Variants in PDE6D observed in about 807,000 individuals in gnomAD.
The protein encoded by PDE6D is phosphodiesterase 6D.
Under a neutral mutation model 21.9 loss-of-function variants are expected in PDE6D, and 10 were observed. The observed-to-expected ratio is 0.46, with a 90% CI of 0.28 to 0.78. PDE6D has a LOEUF of 0.78. Among genes scored for constraint, PDE6D ranks in the 30% least tolerant of loss-of-function variants. PDE6D has a pLI of 0.12. For synonymous variants in PDE6D, 59 were observed against 63.5 expected, an observed-to-expected ratio of 0.93 and a Z score of 0.34; for missense variants, 139 against 184.8, an observed-to-expected ratio of 0.75 and a Z score of 1.44.
chr2:231,767,867 C>CTTTTTT (rs2048984713), intron 1 of PDE6D, among the ~76,000 whole-genome samples: 1 of 130,170 alleles, frequency 7.7e-6, no homozygotes, highest in Non-Finnish European at 1.6e-5. Context: ...CAGACAAGTT[C>CTTTTTT]TTGCTCTGTG....
At chr2:231,759,082 C>T (rs976438838) in intron 1 of PDE6D, among the ~76,000 whole-genome samples, 5 of 152,058 alleles carry the variant, frequency 3.3e-5, no homozygotes, top group African/African-American at 1.2e-4. Context: ...CTTTGGGAGG[C>T]TGAGGCAGGA....
intron 1 of PDE6D, among the ~76,000 whole-genome samples, chr2:231,752,409 C>A (rs1169925879): frequency 5.3e-5 from 8 of 152,076 alleles, no homozygotes; most frequent in Non-Finnish European, 1.2e-4. Flanking sequence ...GAAATGCCTA[C>A]AAAAATGGTT....
chr2:231,774,247 G>T (rs1479425288), intron 1 of PDE6D, among the ~76,000 whole-genome samples: 1 of 152,002 alleles, frequency 6.6e-6, no homozygotes, highest in Non-Finnish European at 1.5e-5. Context: ...ATTATTATTA[G>T]TAATTATTAA....
chr2:231,744,247 C>G (rs1047926595), intron 1 of PDE6D, among the ~76,000 whole-genome samples: 2 of 152,164 alleles, frequency 1.3e-5, no homozygotes, highest in Non-Finnish European at 2.9e-5. Flanking sequence ...ACTTACTCTT[C>G]AATCTATGTA....
intron 1 of PDE6D, among the ~76,000 whole-genome samples, chr2:231,751,570 T>C (rs1363002724): frequency 6.6e-6 from 1 of 152,258 alleles, no homozygotes; most frequent in African/African-American, 2.4e-5. Flanking sequence ...TTGATGTTAT[T>C]GCTCCTCTTG....
chr2:231,736,765 T>G (rs999561862), intron 4 of PDE6D, among the ~76,000 whole-genome samples: 7 of 152,196 alleles, frequency 4.6e-5, no homozygotes, highest in Admixed American at 2.6e-4. Context: ...TGGGAGCAAA[T>G]TAACATAGAT....
At chr2:231,761,927 A>G (rs1240546243) in intron 1 of PDE6D, among the ~76,000 whole-genome samples, 2 of 152,154 alleles carry the variant, frequency 1.3e-5, no homozygotes, top group African/African-American at 4.8e-5. Flanking sequence ...GGCTCCAGGG[A>G]ACTGCAGGGT....
chr2:231,758,596 T>C (rs373102511), intron 1 of PDE6D, among the ~76,000 whole-genome samples: 12 of 152,300 alleles, frequency 7.9e-5, no homozygotes, highest in African/African-American at 2.6e-4. Context: ...TTAGAATCTC[T>C]GGAGGTGGAA....
At chr2:231,750,481 C>CATTTT (rs1553557786) in intron 1 of PDE6D, among the ~76,000 whole-genome samples, 2 of 133,558 alleles carry the variant, frequency 1.5e-5, no homozygotes, top group South Asian at 2.4e-4. Context: ...ATCCATATCA[C>CATTTT]TTTTTTTTTT....
intron 1 of PDE6D, among the ~76,000 whole-genome samples, chr2:231,766,410 T>G (rs549893336): frequency 6.6e-6 from 1 of 152,218 alleles, no homozygotes; most frequent in Non-Finnish European, 1.5e-5. Flanking sequence ...TGCCTGGAAC[T>G]GGTCAGAAAC....
In PDE6D at chr2:231,737,084, C is replaced by T; in HGVS notation, c.371+103G>A. On this transcript the variant is annotated intron_variant, in intron 4 of 4. Coordinates refer to ENST00000287600, the MANE Select transcript of PDE6D (RefSeq NM_002601.4). The stretch of plus-strand genomic sequence containing the variant: ...CCTTGGATACTCTTTTACTCTATTT[C>T]TCAACCGAGCTCTCTGCCCACTGAA... 2.1e-5 allele frequency: 13 copies of T among 620,916 alleles called. No individual in the cohort carries two copies. In the South Asian group the frequency reaches 2.7e-4, roughly 13 times the overall value. The allele number at this position is 620,916 out of a possible 1,614,324, so 38.5% of individuals were successfully genotyped here.
At chr2:231,774,202 G>A (rs62198565) in intron 1 of PDE6D, among the ~76,000 whole-genome samples, 26,931 of 151,926 alleles carry the variant, frequency 0.18, 2,770 homozygotes, top group Non-Finnish European at 0.23. Flanking sequence ...CAAAGAGCTG[G>A]GATTACAGGC....
intron 1 of PDE6D, among the ~76,000 whole-genome samples, chr2:231,777,789 T>C (rs1230997238): frequency 6.6e-6 from 1 of 152,214 alleles, no homozygotes; most frequent in Admixed American, 6.5e-5. Context: ...GTACTGGAAC[T>C]ATTGGCTATC....
chr2:231,740,053 A>C (rs1385094179), intron 1 of PDE6D, among the ~76,000 whole-genome samples: 1 of 152,206 alleles, frequency 6.6e-6, no homozygotes, highest in African/African-American at 2.4e-5. Flanking sequence ...GGAGCATTAA[A>C]AAAGAGAGAT....
At chr2:231,778,952 CAG>C (rs754075472) in intron 1 of PDE6D, 6 of 152,182 alleles carry the variant, frequency 3.9e-5, no homozygotes, top group Non-Finnish European at 5.9e-5. Flanking sequence ...CTTACAGAAA[CAG>C]ATACTCTGAA....
chr2:231,755,688 A>C (rs1478122840), intron 1 of PDE6D, among the ~76,000 whole-genome samples: 2 of 152,236 alleles, frequency 1.3e-5, no homozygotes, highest in Non-Finnish European at 2.9e-5. Context: ...TGGGAGGCTG[A>C]GGCGGGCGGA....
chr2:231,757,783 C>T (rs1349658831), intron 1 of PDE6D, among the ~76,000 whole-genome samples: 1 of 152,008 alleles, frequency 6.6e-6, no homozygotes, highest in Admixed American at 6.5e-5. Context: ...AAGCAGTTTA[C>T]AAAACATGTA....
intron 1 of PDE6D, among the ~76,000 whole-genome samples, chr2:231,778,402 T>TG (rs1488769320): frequency 6.6e-6 from 1 of 152,090 alleles, no homozygotes; most frequent in Non-Finnish European, 1.5e-5. Context: ...GTAAAGAACA[T>TG]CTACAAATAA....
chr2:231,759,355 G>T (rs1451146741), intron 1 of PDE6D, among the ~76,000 whole-genome samples: 1 of 152,002 alleles, frequency 6.6e-6, no homozygotes, highest in African/African-American at 2.4e-5. Context: ...GGAAAAAAAG[G>T]AAAAAGGTAT....
Sources: allele counts gnomAD v4.1 joint callset (sites outside exome capture counted in the v4.1 genomes callset), GRCh38; gene constraint gnomAD v4.1.1; transcripts MANE v1.5; gene names NCBI Gene and HGNC (gene_info 2026-07-23, HGNC 2026-07-21).